The following TMEM135 variants were observed in gnomAD, a reference collection of about 807,000 sequenced individuals.
TMEM135 encodes transmembrane protein 135, also known as peroxisomal membrane protein 52.
TMEM135 carries 30 observed loss-of-function variants against 60.3 expected under a neutral mutation model. The ratio of observed to expected loss-of-function variants is 0.50; its 90% confidence interval spans 0.37 to 0.68. The LOEUF (loss-of-function observed/expected upper bound fraction) is 0.68. TMEM135 is among the 30% of genes least tolerant of loss of function. TMEM135 has a pLI of 0.00. For synonymous variants in TMEM135, 190 were observed against 186.7 expected (o/e 1.02, Z -0.14); for missense variants, 468 against 548.8 (o/e 0.85, Z 1.47).
intron 5 of TMEM135, among the ~76,000 whole-genome samples, chr11:87,183,774 G>C (rs537061492): frequency 6.6e-6 from 1 of 151,688 alleles, no homozygotes; most frequent in Non-Finnish European, 1.5e-5. Context: ...TGGCTAACAC[G>C]GTAAAACGCC....
At chr11:87,182,802 A>G (rs1382586492) in intron 5 of TMEM135, among the ~76,000 whole-genome samples, 1 of 151,866 alleles carries the variant, frequency 6.6e-6, no homozygotes, top group Non-Finnish European at 1.5e-5. Context: ...AAATTGTTTC[A>G]TTTGTGTTTT....
At chr11:87,239,750 AG>A (rs1215915546) in intron 6 of TMEM135, among the ~76,000 whole-genome samples, 7 of 77,920 alleles carry the variant, frequency 9.0e-5, no homozygotes, top group African/African-American at 1.6e-4. Context: ...AAAATATGCC[AG>A]TTTTTTTTTT....
chr11:87,178,304 G>C (rs1245367755), intron 5 of TMEM135, among the ~76,000 whole-genome samples: 1 of 152,188 alleles, frequency 6.6e-6, no homozygotes, highest in Non-Finnish European at 1.5e-5. Flanking sequence ...GAAGCCCTGT[G>C]CCAGGAACTA....
At chr11:87,114,484 T>C (rs1254146299) in intron 4 of TMEM135, among the ~76,000 whole-genome samples, 1 of 152,134 alleles carries the variant, frequency 6.6e-6, no homozygotes, top group Admixed American at 6.5e-5. Context: ...ATAGTCCAAA[T>C]ATGAAACAGT....
At chr11:87,160,222 T>C (rs745408725) in intron 5 of TMEM135, among the ~76,000 whole-genome samples, 7 of 152,222 alleles carry the variant, frequency 4.6e-5, no homozygotes, top group Non-Finnish European at 8.8e-5. Context: ...GTATTTTGTG[T>C]ACTTACTGGA....
intron 6 of TMEM135, among the ~76,000 whole-genome samples, chr11:87,248,606 G>T (rs1941345389): frequency 6.9e-6 from 1 of 145,830 alleles, no homozygotes; most frequent in African/African-American, 2.6e-5. Context: ...TTGGTCATTT[G>T]TGGTTCCATA....
intron 5 of TMEM135, among the ~76,000 whole-genome samples, chr11:87,167,769 C>T (rs1555113240): frequency 6.6e-6 from 1 of 151,738 alleles, no homozygotes; most frequent in Non-Finnish European, 1.5e-5. Flanking sequence ...CTGAAATTTC[C>T]TTTTTTTTGT....
At chr11:87,114,949 G>A (rs1423868008) in intron 4 of TMEM135, among the ~76,000 whole-genome samples, 1 of 152,152 alleles carries the variant, frequency 6.6e-6, no homozygotes, top group African/African-American at 2.4e-5. Context: ...TAGAATAGAT[G>A]GCTGACCATA....
chr11:87,218,298 C>T (rs1179606615), intron 5 of TMEM135, among the ~76,000 whole-genome samples: 1 of 152,088 alleles, frequency 6.6e-6, no homozygotes, highest in African/African-American at 2.4e-5. Context: ...TTATCTGGGC[C>T]TGAAGTTATT....
chr11:87,114,683 T>C (rs1256033851), intron 4 of TMEM135, among the ~76,000 whole-genome samples: 1 of 152,202 alleles, frequency 6.6e-6, no homozygotes, highest in African/African-American at 2.4e-5. Flanking sequence ...TTGAGCTGCA[T>C]ATGTTGGAAA....
intron 6 of TMEM135, among the ~76,000 whole-genome samples, chr11:87,258,124 TATATTG>T (rs542289086): frequency 6.8e-4 from 104 of 152,040 alleles, no homozygotes; most frequent in Admixed American, 2.9e-3. Context: ...TATTTGATTA[TATATTG>T]ATATTGATTA....
intron 4 of TMEM135, among the ~76,000 whole-genome samples, chr11:87,135,998 T>C (rs1938087307): frequency 6.6e-6 from 1 of 152,044 alleles, no homozygotes; most frequent in Admixed American, 6.5e-5. Context: ...TTTAATGCTA[T>C]TGTCAATAGT....
intron 2 of TMEM135, among the ~76,000 whole-genome samples, chr11:87,071,025 A>G (rs1234073583): frequency 1.3e-5 from 2 of 152,194 alleles, no homozygotes; most frequent in African/African-American, 2.4e-5. Flanking sequence ...TTTGATAAAT[A>G]AAGGAAACTG....
chr11:87,262,374 A>T (rs1941669470), intron 6 of TMEM135, among the ~76,000 whole-genome samples: 1 of 152,202 alleles, frequency 6.6e-6, no homozygotes, highest in African/African-American at 2.4e-5. Context: ...AAGAGTGCTT[A>T]TTGATTCCTA....
At chr11:87,267,768 C>T (rs946539586) in intron 6 of TMEM135, among the ~76,000 whole-genome samples, 1 of 152,138 alleles carries the variant, frequency 6.6e-6, no homozygotes, top group Non-Finnish European at 1.5e-5. Context: ...TCTCCACTCA[C>T]AGCAACCTCC....
chr11:87,185,703 A>C, intron 5 of TMEM135, among the ~76,000 whole-genome samples: 1 of 152,178 alleles, frequency 6.6e-6, no homozygotes, highest in East Asian at 1.9e-4. Flanking sequence ...GTGTAAAGGG[A>C]AACTTGTATT....
intron 5 of TMEM135, among the ~76,000 whole-genome samples, chr11:87,197,818 AT>A (rs1356247910): frequency 6.6e-6 from 1 of 152,104 alleles, no homozygotes; most frequent in African/African-American, 2.4e-5. Flanking sequence ...AGTTTTTTTT[AT>A]TTGTATGTTA....
At chr11:87,097,000 CTTT>C in intron 4 of TMEM135, among the ~76,000 whole-genome samples, 1 of 143,652 alleles carries the variant, frequency 7.0e-6, no homozygotes, top group Non-Finnish European at 1.5e-5. Flanking sequence ...GGAAGCCACT[CTTT>C]TTTTTTTTTT....
intron 6 of TMEM135, among the ~76,000 whole-genome samples, chr11:87,267,685 A>C (rs1226381700): frequency 2.7e-5 from 4 of 150,774 alleles, no homozygotes; most frequent in African/African-American, 9.8e-5. Flanking sequence ...CATGAAACTA[A>C]ATGTCATGAT....
Sources: allele counts gnomAD v4.1 joint callset (sites outside exome capture counted in the v4.1 genomes callset), GRCh38; gene constraint gnomAD v4.1.1; transcripts MANE v1.5; gene names NCBI Gene and HGNC (gene_info 2026-07-23, HGNC 2026-07-21).